RBFOX1: variants seen among roughly 807,000 people sequenced by gnomAD.
RBFOX1 encodes the protein RNA binding protein fox-1 homolog 1.
RBFOX1 carries 8 observed loss-of-function variants against 57.7 expected under a neutral mutation model. That is an observed-to-expected ratio of 0.14 (90% CI 0.08 to 0.25). RBFOX1 has a LOEUF of 0.25. RBFOX1 is among the 10% of genes least tolerant of loss of function. The pLI is 1.00. For missense variants in RBFOX1, 611 were observed against 548.5 expected (o/e 1.11, Z -1.14); for synonymous variants, 326 against 222.4 (o/e 1.47, Z -4.15).
chr16:7,329,746 A>G (rs955581845), intron 4 of RBFOX1, among the ~76,000 whole-genome samples: 3 of 152,188 alleles, frequency 2.0e-5, no homozygotes, highest in Non-Finnish European at 2.9e-5. Flanking sequence ...TTTTCACACA[A>G]GATAAGGAAG....
chr16:6,464,498 T>G (rs982519930), intron 2 of RBFOX1, among the ~76,000 whole-genome samples: 2 of 152,224 alleles, frequency 1.3e-5, no homozygotes, highest in Non-Finnish European at 2.9e-5. Context: ...CCTGATCTAA[T>G]GCATACTAGT....
chr16:5,547,844 T>C (rs1439353993), intron 2 of RBFOX1, among the ~76,000 whole-genome samples: 1 of 151,868 alleles, frequency 6.6e-6, no homozygotes, highest in African/African-American at 2.4e-5. Flanking sequence ...GAGCTAAACA[T>C]TGGGTACACA....
intron 1 of RBFOX1, among the ~76,000 whole-genome samples, chr16:6,068,055 G>A (rs2095789934): frequency 6.6e-6 from 1 of 151,890 alleles, no homozygotes; most frequent in African/African-American, 2.4e-5. Flanking sequence ...TCAGAGTTCT[G>A]TTTAATTGCC....
chr16:6,764,770 C>G (rs1330212534), intron 3 of RBFOX1, among the ~76,000 whole-genome samples: 1 of 152,000 alleles, frequency 6.6e-6, no homozygotes, highest in Non-Finnish European at 1.5e-5. Flanking sequence ...AACCCTGTCT[C>G]TACCAAAAAT....
intron 12 of RBFOX1, among the ~76,000 whole-genome samples, chr16:7,659,588 AAAAG>A (rs1227263554): frequency 6.6e-6 from 1 of 152,204 alleles, no homozygotes; most frequent in African/African-American, 2.4e-5. Flanking sequence ...GATGAGCAAA[AAAAG>A]AAAAAAGAAA....
intron 3 of RBFOX1, among the ~76,000 whole-genome samples, chr16:6,938,375 T>C: frequency 6.6e-6 from 1 of 152,158 alleles, no homozygotes; most frequent in Admixed American, 6.5e-5. Flanking sequence ...GCACAGCACA[T>C]AGAGCATTAC....
chr16:5,922,749 A>G (rs1259812311), intron 4 of RBFOX1, among the ~76,000 whole-genome samples: 1 of 152,252 alleles, frequency 6.6e-6, no homozygotes, highest in South Asian at 2.1e-4. Context: ...TTCAGATGGA[A>G]ATAAATGAGT....
chr16:7,330,510 TTG>T (rs1287839162), intron 4 of RBFOX1, among the ~76,000 whole-genome samples: 5 of 57,140 alleles, frequency 8.8e-5, no homozygotes, highest in East Asian at 7.0e-4. Context: ...GTGTGTGTGT[TTG>T]TGTGTGTGTG....
chr16:7,519,007 A>T (rs1173575819), intron 5 of RBFOX1, among the ~76,000 whole-genome samples: 1 of 152,214 alleles, frequency 6.6e-6, no homozygotes, highest in Non-Finnish European at 1.5e-5. Context: ...TAGGTCACAG[A>T]GTGAAACTCT....
intron 3 of RBFOX1, among the ~76,000 whole-genome samples, chr16:5,732,673 G>C (rs546233959): frequency 6.6e-6 from 1 of 152,240 alleles, no homozygotes; most frequent in South Asian, 2.1e-4. Context: ...GTAGTCTTTA[G>C]TTAATCTAAG....
intron 2 of RBFOX1, among the ~76,000 whole-genome samples, chr16:6,450,798 T>TAC (rs1159010501): frequency 5.3e-4 from 11 of 20,952 alleles, no homozygotes; most frequent in African/African-American, 3.9e-3. Context: ...TACATATATA[T>TAC]ATGTATATAT....
chr16:6,565,312 A>C (rs1303110866), intron 2 of RBFOX1, among the ~76,000 whole-genome samples: 1 of 151,146 alleles, frequency 6.6e-6, no homozygotes, highest in Non-Finnish European at 1.5e-5. Flanking sequence ...GCTGGAGCTC[A>C]GTGGCGCGAT....
intron 3 of RBFOX1, among the ~76,000 whole-genome samples, chr16:6,851,075 A>C (rs191805581): frequency 5.9e-5 from 9 of 152,204 alleles, no homozygotes; most frequent in Non-Finnish European, 1.5e-5. Context: ...GACACACAAC[A>C]ACTAGGATGA....
At chr16:6,755,164 T>C (rs1227934726) in intron 3 of RBFOX1, among the ~76,000 whole-genome samples, 1 of 152,210 alleles carries the variant, frequency 6.6e-6, no homozygotes, top group Non-Finnish European at 1.5e-5. Context: ...GCAATAAACA[T>C]ACGTGTGCAT....
chr16:6,501,473 C>G (rs910386996), intron 2 of RBFOX1, among the ~76,000 whole-genome samples: 4 of 151,886 alleles, frequency 2.6e-5, no homozygotes, highest in Non-Finnish European at 5.9e-5. Flanking sequence ...CATGAACTCA[C>G]CATTTTTATG....
intron 3 of RBFOX1, among the ~76,000 whole-genome samples, chr16:6,683,534 C>T (rs548336337): frequency 7.9e-5 from 12 of 152,002 alleles, no homozygotes; most frequent in Non-Finnish European, 1.0e-4. Flanking sequence ...ATGTATATAG[C>T]TTTTGTTTTG....
chr16:7,683,556 G>A (rs528332658), intron 14 of RBFOX1, among the ~76,000 whole-genome samples: 1 of 152,198 alleles, frequency 6.6e-6, no homozygotes, highest in African/African-American at 2.4e-5. Context: ...AAGCCCAACA[G>A]ACCGTAGCTG....
intron 2 of RBFOX1, among the ~76,000 whole-genome samples, chr16:5,468,574 A>G (rs1302623672): frequency 6.6e-6 from 1 of 152,242 alleles, no homozygotes; most frequent in Non-Finnish European, 1.5e-5. Context: ...ATTGCTGAGA[A>G]CAGGTACTCA....
chr16:6,919,879 C>G (rs553956566), intron 3 of RBFOX1, among the ~76,000 whole-genome samples: 1 of 151,512 alleles, frequency 6.6e-6, no homozygotes, highest in East Asian at 1.9e-4. Flanking sequence ...TTGGTGCACC[C>G]ATCACCTGAG....
Sources: allele counts gnomAD v4.1 joint callset (sites outside exome capture counted in the v4.1 genomes callset), GRCh38; gene constraint gnomAD v4.1.1; transcripts MANE v1.5; gene names NCBI Gene and HGNC (gene_info 2026-07-23, HGNC 2026-07-21).